The following MICU3 variants were observed in gnomAD, a reference collection of about 807,000 sequenced individuals.
The protein encoded by MICU3 is calcium uptake protein 3, mitochondrial.
MICU3 carries 62 observed loss-of-function variants against 66.5 expected under a neutral mutation model. The ratio of observed to expected loss-of-function variants is 0.93; its 90% CI spans 0.76 to 1.15. MICU3 has a LOEUF of 1.15. MICU3 is among the 50% of genes most tolerant of loss of function. The pLI is 0.00. For missense variants in MICU3, 779 were observed against 664.4 expected (o/e 1.17, Z -1.90); for synonymous variants, 308 against 240.7 (o/e 1.28, Z -2.59).
intron 1 of MICU3, among the ~76,000 whole-genome samples, chr8:17,060,280 A>G (rs904680172): frequency 6.8e-6 from 1 of 147,658 alleles, no homozygotes; most frequent in Non-Finnish European, 1.5e-5. Flanking sequence ...CTGGGTTATC[A>G]TGGGGAAACT....
intron 3 of MICU3, among the ~76,000 whole-genome samples, chr8:17,075,205 C>G (rs1355929731): frequency 7.3e-6 from 1 of 136,362 alleles, no homozygotes; most frequent in African/African-American, 2.8e-5. Context: ...TGTCACCGTC[C>G]TAGCACAGCA....
chr8:17,028,359 A>G (rs1295714584), intron 1 of MICU3, among the ~76,000 whole-genome samples: 1 of 152,228 alleles, frequency 6.6e-6, no homozygotes, highest in Non-Finnish European at 1.5e-5. Flanking sequence ...CCTACAGAAG[A>G]AAGTCACGTG....
chr8:17,092,892 T>C lies in MICU3; in HGVS notation c.888+2308T>C, dbSNP rs370051615. ...TCTGAGTATAGATCATGGAGCTGGA[T>C]ATAAACTAAGAGATTTATAAGAGCC... On this transcript the variant is annotated intron_variant, in intron 8 of 14. Transcript: ENST00000318063. Among the ~76,000 whole-genome samples, 369 of 152,172 alleles carry C rather than the reference T, an allele frequency of 2.4e-3. 3 individuals carry two copies. The South Asian group carries it at 0.028, about 11-fold the overall frequency.
At chr8:17,047,678 AGT>A (rs1212042574) in intron 1 of MICU3, among the ~76,000 whole-genome samples, 1 of 152,218 alleles carries the variant, frequency 6.6e-6, no homozygotes, top group Non-Finnish European at 1.5e-5. Context: ...TATCTTCAAA[AGT>A]GAGAGAAAAT....
chr8:17,113,259 C>T (rs1035533734), intron 11 of MICU3, among the ~76,000 whole-genome samples: 3 of 152,180 alleles, frequency 2.0e-5, no homozygotes, highest in Admixed American at 1.3e-4. Context: ...GGCCTCAACT[C>T]GGCCTTCTGC....
In MICU3 at chr8:17,030,097, T is replaced by A. The variant is rs116746317; in HGVS notation, c.381+2437T>A. Among the ~76,000 whole-genome samples, 1,401 of 152,306 alleles carry A rather than the reference T, an allele frequency of 9.2e-3. 19 individuals carry two copies. Among genetic ancestry groups the A allele is most frequent in the African/African-American group, 0.031 (1,278 of 41,584 alleles). ...TTGTTGATGAGTTATAGCATTCTAT[T>A]TTGCTTTCTATATGGCTGCTATATT... On this transcript the variant is annotated intron_variant, in intron 1 of 14. Coordinates refer to ENST00000318063, the MANE Select transcript of MICU3 (RefSeq NM_181723.3).
intron 9 of MICU3, among the ~76,000 whole-genome samples, chr8:17,099,469 A>G (rs571528433): frequency 6.6e-6 from 1 of 151,942 alleles, no homozygotes; most frequent in Admixed American, 6.6e-5. Flanking sequence ...CTCTATTGAC[A>G]TATCTAGACT....
intron 1 of MICU3, among the ~76,000 whole-genome samples, chr8:17,034,113 C>T (rs1812560506): frequency 6.6e-6 from 1 of 152,172 alleles, no homozygotes. Context: ...AGGCAGTGCT[C>T]ATTTACCATT....
intron 1 of MICU3, among the ~76,000 whole-genome samples, chr8:17,045,412 G>A (rs532120121): frequency 6.6e-6 from 1 of 152,268 alleles, no homozygotes; most frequent in South Asian, 2.1e-4. Context: ...GAACAGACAG[G>A]CCTGCTGGGT....
chr8:17,085,183 C>A, intron 5 of MICU3, 53 bp from the exon 6 acceptor site: 1 of 1,262,876 alleles, frequency 7.9e-7, no homozygotes, highest in South Asian at 1.3e-5. Flanking sequence ...GGATTTTGTA[C>A]TTTAAAATAC....
chr8:17,035,254 G>A (rs1812767695), intron 1 of MICU3, among the ~76,000 whole-genome samples: 1 of 152,136 alleles, frequency 6.6e-6, no homozygotes, highest in Non-Finnish European at 1.5e-5. Flanking sequence ...AGCAGTGTGA[G>A]AACAGACTAA....
intron 4 of MICU3, among the ~76,000 whole-genome samples, chr8:17,078,301 A>G (rs1415225486): frequency 1.3e-5 from 2 of 152,010 alleles, no homozygotes; most frequent in African/African-American, 4.8e-5. Context: ...AATTTAGTGG[A>G]TGTGTCCTTT....
intron 8 of MICU3, among the ~76,000 whole-genome samples, chr8:17,095,432 A>G (rs1014384901): frequency 6.6e-6 from 1 of 151,884 alleles, no homozygotes; most frequent in Non-Finnish European, 1.5e-5. Flanking sequence ...TTTTAGGGCC[A>G]TGGTTGTCAT....
the MICU3 span, chr8:17,132,963 C>G: frequency 6.6e-6 from 1 of 152,182 alleles, no homozygotes; most frequent in Admixed American, 6.5e-5. Context: ...CTGTTCACCC[C>G]TTCCTCCAGG....
chr8:17,056,711 C>T (rs1198861812), intron 1 of MICU3, among the ~76,000 whole-genome samples: 1 of 152,188 alleles, frequency 6.6e-6, no homozygotes. Context: ...TATGCTATCA[C>T]AAGGGATGTG....
At chr8:17,138,217 C>T in the MICU3 span, among the ~76,000 whole-genome samples, 2 of 151,956 alleles carry the variant, frequency 1.3e-5, no homozygotes, top group Non-Finnish European at 2.9e-5. Flanking sequence ...ATGAGGGACT[C>T]AACAACCAAA....
intron 1 of MICU3, among the ~76,000 whole-genome samples, chr8:17,037,745 C>T (rs560822627): frequency 1.8e-4 from 28 of 152,326 alleles, no homozygotes; most frequent in African/African-American, 6.5e-4. Context: ...AGACACTCAA[C>T]ATCAGCCCAT....
chr8:17,112,448 T>A (rs6997689), intron 11 of MICU3, among the ~76,000 whole-genome samples: 18,785 of 152,204 alleles, frequency 0.12, 1,484 homozygotes, highest in Admixed American at 0.17. Flanking sequence ...TGTCTGCCCC[T>A]CTCTGACTGT....
At chr8:17,124,024 CT>C (rs2150851517), downstream of MICU3, among the ~76,000 whole-genome samples, 1 of 147,478 alleles carries the variant, frequency 6.8e-6, no homozygotes, top group African/African-American at 2.5e-5. Flanking sequence ...TTGGCAGTTT[CT>C]TTTGGTATCT....
Sources: gnomAD v4.1 joint callset for allele counts (sites outside exome capture counted in the v4.1 genomes callset) on GRCh38, gnomAD v4.1.1 for gene constraint, MANE v1.5 for transcripts, NCBI Gene and HGNC (gene_info 2026-07-23, HGNC 2026-07-21) for gene names.